The following CNBD2 variants were observed in gnomAD, a reference collection of about 807,000 sequenced individuals.
CNBD2 encodes the protein cyclic nucleotide-binding domain-containing protein 2.
A neutral mutation model predicts 63.7 loss-of-function variants in CNBD2; 64 were observed. The observed-to-expected ratio is 1.00, with a 90% confidence interval of 0.82 to 1.24. CNBD2 has a LOEUF of 1.24. CNBD2 is among the 50% of genes most tolerant of loss of function. The probability of loss-of-function intolerance (pLI) is 0.00; values close to 1 mark genes in which losing one functional copy is unlikely to be tolerated. For synonymous variants in CNBD2, 229 were observed against 255.4 expected (o/e 0.90, Z 0.99); for missense variants, 691 against 713.5 (o/e 0.97, Z 0.36).
intron 7 of CNBD2, among the ~76,000 whole-genome samples, chr20:35,993,710 GT>G (rs1384200603): frequency 1.3e-5 from 2 of 151,916 alleles, no homozygotes; most frequent in Non-Finnish European, 2.9e-5. Context: ...GATTAATGTA[GT>G]TTTTATCTCT....
intron 10 of CNBD2, among the ~76,000 whole-genome samples, chr20:36,017,050 G>A (rs1352767066): frequency 2.3e-5 from 3 of 132,812 alleles, no homozygotes; most frequent in South Asian, 2.7e-4. Flanking sequence ...TAGAATGAGA[G>A]CCTGTCTCAA....
chr20:35,970,889 ACTTTT>A (rs2056404244), intron 1 of CNBD2, among the ~76,000 whole-genome samples: 1 of 148,918 alleles, frequency 6.7e-6, no homozygotes, highest in Non-Finnish European at 1.5e-5. Flanking sequence ...CTAACGATGT[ACTTTT>A]CAATAGAAGT....
intron 8 of CNBD2, among the ~76,000 whole-genome samples, chr20:35,997,742 G>A (rs1198942318): frequency 6.6e-6 from 1 of 152,210 alleles, no homozygotes; most frequent in African/African-American, 2.4e-5. Context: ...TACCACAACA[G>A]GCTGCTAGGA....
At chr20:35,994,414 G>A (rs1431299323) in intron 7 of CNBD2, among the ~76,000 whole-genome samples, 1 of 149,958 alleles carries the variant, frequency 6.7e-6, no homozygotes, top group East Asian at 2.0e-4. Flanking sequence ...TGCCATGTTG[G>A]CCAGGCTGGT....
chr20:35,954,593 TGCC>T, upstream of CNBD2: 1 of 1,407,508 alleles, frequency 7.1e-7, no homozygotes, highest in East Asian at 3.4e-5. Context: ...AGGCGGCTGC[TGCC>T]CTCGCGGTGC....
chr20:36,004,571 C>CTT (rs534757185), intron 8 of CNBD2, among the ~76,000 whole-genome samples: 3 of 145,482 alleles, frequency 2.1e-5, no homozygotes, highest in Non-Finnish European at 3.0e-5. Context: ...TATTCAATGT[C>CTT]TTTTTTTTTT....
intron 10 of CNBD2, among the ~76,000 whole-genome samples, chr20:36,019,120 T>G (rs562026366): frequency 6.6e-6 from 1 of 152,140 alleles, no homozygotes; most frequent in African/African-American, 2.4e-5. Context: ...TACAAATTGC[T>G]GTTAGGAATG....
chr20:35,995,264 A>C, intron 8 of CNBD2, 112 bp downstream of exon 8: 4 of 653,224 alleles, frequency 6.1e-6, no homozygotes, highest in Non-Finnish European at 8.0e-6. Flanking sequence ...AGCGTATATC[A>C]TCTGCACCCT....
intron 10 of CNBD2, among the ~76,000 whole-genome samples, chr20:36,013,654 A>G (rs559476964): frequency 2.0e-5 from 3 of 152,318 alleles, no homozygotes; most frequent in East Asian, 1.9e-4. Flanking sequence ...TCATGAAGGT[A>G]GGGATTAACA....
chr20:35,989,912 G>GGAAGAAAGGAAGGAAA (rs1007421261), intron 7 of CNBD2, among the ~76,000 whole-genome samples: 1 of 148,362 alleles, frequency 6.7e-6, no homozygotes, highest in African/African-American at 2.5e-5. Context: ...GAGGGGAGGG[G>GGAAGAAAGGAAGGAAA]GAAGAAAGGA....
At chr20:35,965,587 A>G (rs2056339644), upstream of CNBD2, among the ~76,000 whole-genome samples, 1 of 152,206 alleles carries the variant, frequency 6.6e-6, no homozygotes, top group Non-Finnish European at 1.5e-5. Context: ...TAGGAATAGG[A>G]CCAGTGCTCT....
chr20:35,994,942 T>C, intron 7 of CNBD2, 96 bp from the exon 8 acceptor site: 1 of 788,214 alleles, frequency 1.3e-6, no homozygotes, highest in East Asian at 2.6e-5. Flanking sequence ...TAAAACAAAA[T>C]GGGATAAGAT....
chr20:36,021,949 G>A (rs981002375), intron 10 of CNBD2, among the ~76,000 whole-genome samples: 3 of 152,104 alleles, frequency 2.0e-5, no homozygotes, highest in Admixed American at 6.6e-5. Context: ...CTGCAGGAAA[G>A]TGTGGGGTGG....
intron 7 of CNBD2, among the ~76,000 whole-genome samples, chr20:35,988,227 C>T (rs1264583013): frequency 2.0e-5 from 3 of 151,766 alleles, no homozygotes; most frequent in Non-Finnish European, 2.9e-5. Flanking sequence ...AGTGCAGTGA[C>T]GAGATCTTGG....
At chr20:35,976,732 A>G (rs950088782) in intron 3 of CNBD2, among the ~76,000 whole-genome samples, 1 of 152,194 alleles carries the variant, frequency 6.6e-6, no homozygotes, top group Non-Finnish European at 1.5e-5. Context: ...ATTAAATATT[A>G]AAATCCAATT....
At chr20:35,980,671 CA>C in intron 4 of CNBD2, 49 bp downstream of exon 4, 1 of 1,576,834 alleles carries the variant, frequency 6.3e-7, no homozygotes. Context: ...CTGGACTGAG[CA>C]AAAGAGCCTG....
chr20:36,014,335 C>CTT (rs1226486585), intron 10 of CNBD2, among the ~76,000 whole-genome samples: 1 of 142,792 alleles, frequency 7.0e-6, no homozygotes, highest in Non-Finnish European at 1.5e-5. Flanking sequence ...TTCTTTCTTT[C>CTT]TTTTTTTTTT....
chr20:36,014,295 A>G (rs2057105298), intron 10 of CNBD2, among the ~76,000 whole-genome samples: 1 of 151,354 alleles, frequency 6.6e-6, no homozygotes, highest in Non-Finnish European at 1.5e-5. Flanking sequence ...GAGCACACTT[A>G]ACACTTGGAT....
chr20:35,954,805 T>C (rs1289968635), exon 1 of CNBD2: 1 of 352,618 alleles, frequency 2.8e-6, no homozygotes, highest in African/African-American at 2.2e-5. Context: ...GAGCTGTAGC[T>C]CTGATGGCCC....
Sources: allele counts gnomAD v4.1 joint callset (sites outside exome capture counted in the v4.1 genomes callset), GRCh38; gene constraint gnomAD v4.1.1; transcripts MANE v1.5; gene names NCBI Gene and HGNC (gene_info 2026-07-23, HGNC 2026-07-21).